The following KIF11 variants were observed in gnomAD, a reference collection of about 807,000 sequenced individuals.
KIF11 encodes kinesin family member 11.
Under a neutral mutation model 121.0 loss-of-function variants are expected in KIF11, and 9 were observed. That is an observed-to-expected ratio of 0.07 (90% confidence interval 0.04 to 0.13). The LOEUF is 0.13. KIF11 is among the 10% of genes least tolerant of loss of function. The pLI, the probability that KIF11 is intolerant of heterozygous loss-of-function variation, is 1.00. For synonymous variants in KIF11, 408 were observed against 421.0 expected, an observed-to-expected ratio of 0.97 and a Z score of 0.38; for missense variants, 846 against 1,217.5, an observed-to-expected ratio of 0.69 and a Z score of 4.54.
intron 6 of KIF11, among the ~76,000 whole-genome samples, chr10:92,612,696 T>C (rs1218920221): frequency 6.6e-6 from 1 of 152,212 alleles, no homozygotes; most frequent in African/African-American, 2.4e-5. Context: ...ATATTTCAAA[T>C]GGTTCTTATG....
Position 92,613,314 on chromosome 10 carries a change from A to T in KIF11, c.790-63A>T. 4 of 1,238,018 alleles carry T rather than the reference A, an allele frequency of 3.2e-6. No homozygotes were observed. The highest frequency in any genetic ancestry group is 1.5e-5 in the African/African-American group (1 of 65,594). The allele number at this position is 1,238,018 out of a possible 1,614,324, so 76.7% of individuals were successfully genotyped here. A position where few individuals can be genotyped will look rare whatever the true frequency, so the allele number is the denominator to read the frequency against. ...TTTAATACATTATGTATCCTGTGAG[A>T]ATGAAAGTCTTTGAATCCAAATCCA... On this transcript the variant is annotated intron_variant, in intron 7 of 21. Coordinates refer to ENST00000260731, the MANE Select transcript of KIF11 (RefSeq NM_004523.4). This position sits in a 1 kb window ranked among gnomAD's most constrained non-coding sequence, Gnocchi z 4.2.
intron 10 of KIF11, among the ~76,000 whole-genome samples, chr10:92,622,854 G>T (rs1844633206): frequency 6.6e-6 from 1 of 152,106 alleles, no homozygotes; most frequent in Non-Finnish European, 1.5e-5. Flanking sequence ...CCTGGTAGAA[G>T]AGCTAAGGAG....
chr10:92,605,561 A>G (rs1589589751), intron 1 of KIF11, among the ~76,000 whole-genome samples: 1 of 137,336 alleles, frequency 7.3e-6, no homozygotes, highest in East Asian at 2.1e-4. Context: ...ATCTTGGCTC[A>G]CCGCAACCTC....
At chr10:92,596,938 T>G (rs1050654161) in intron 1 of KIF11, 2 of 313,104 alleles carry the variant, frequency 6.4e-6, no homozygotes, top group Admixed American at 7.5e-5. Flanking sequence ...TCTGCAGTGC[T>G]GAAACCAGGC....
intron 19 of KIF11, among the ~76,000 whole-genome samples, chr10:92,649,295 T>A (rs1335780314): frequency 6.6e-6 from 1 of 152,132 alleles, no homozygotes; most frequent in African/African-American, 2.4e-5. Flanking sequence ...GAGCATGAGC[T>A]TATTACAGAG....
At chr10:92,625,883 T>C (rs1844670701) in intron 10 of KIF11, among the ~76,000 whole-genome samples, 1 of 152,036 alleles carries the variant, frequency 6.6e-6, no homozygotes, top group African/African-American at 2.4e-5. Flanking sequence ...AGGTGAAGGA[T>C]CTCTACGGTA....
intron 14 of KIF11, among the ~76,000 whole-genome samples, chr10:92,636,675 A>T (rs1844801512): frequency 6.6e-6 from 1 of 152,002 alleles, no homozygotes; most frequent in East Asian, 1.9e-4. Context: ...AGAAATTATT[A>T]TATTTATTGT....
Position 92,593,390 on chromosome 10 carries a change from A to G in KIF11, c.15A>G (p.Pro5=). 1 of 1,609,758 alleles carries G rather than the reference A, an allele frequency of 6.2e-7. No homozygotes were observed. Among genetic ancestry groups the G allele is most frequent in the Non-Finnish European group, 8.5e-7 (1 of 1,178,492 alleles). Residue 5 remains proline (P), a synonymous_variant, in exon 1 of 22, where the codon CCA becomes CCG. Coordinates refer to ENST00000260731, the MANE Select transcript of KIF11 (RefSeq NM_004523.4). ...CGGGGACCGTCATGGCGTCGCAGCC[A>G]AATTCGTCTGCGAAGAAGAAAGAGG... The part of the protein sequence containing the change: MASQ[P]NSSAKKKEEK...
At chr10:92,607,852 G>C (rs1041769695) in intron 4 of KIF11, among the ~76,000 whole-genome samples, 1 of 152,000 alleles carries the variant, frequency 6.6e-6, no homozygotes, top group Non-Finnish European at 1.5e-5. Context: ...AAATTTAAAT[G>C]AGTTTAATAA....
chr10:92,612,974 G>A, intron 6 of KIF11, 66 bp from the exon 7 acceptor site: 1 of 856,614 alleles, frequency 1.2e-6, no homozygotes, highest in Non-Finnish European at 1.9e-6. Flanking sequence ...CCTGTTTTCA[G>A]TATTTCAGAA....
At chr10:92,628,924 A>G in intron 11 of KIF11, 29 bp downstream of exon 11, 1 of 1,146,800 alleles carries the variant, frequency 8.7e-7, no homozygotes, top group South Asian at 1.4e-5. Context: ...ATTTACTGTT[A>G]TGTGAAAAGC....
At chr10:92,642,467 A>G (rs1194186309) in intron 17 of KIF11, among the ~76,000 whole-genome samples, 1 of 152,236 alleles carries the variant, frequency 6.6e-6, no homozygotes, top group East Asian at 1.9e-4. Context: ...ACTTTGATCA[A>G]GTTGATTGAT....
At chr10:92,637,704 C>T (rs1010357663) in intron 16 of KIF11, among the ~76,000 whole-genome samples, 159 bp downstream of exon 16, 28 of 152,168 alleles carry the variant, frequency 1.8e-4, no homozygotes, top group Non-Finnish European at 3.1e-4. Context: ...TATTGTAGAA[C>T]AATTGAGAAT....
At position 92,625,473 on chromosome 10, in the gene KIF11, G is replaced by A. The variant is rs557470450; in HGVS notation, c.1218-3335G>A. On this transcript the variant is annotated intron_variant, in intron 10 of 21. Coordinates refer to ENST00000260731, the MANE Select transcript of KIF11 (RefSeq NM_004523.4). Reference sequence around the variant, plus strand: ...AAGCGATTCTCCTGCCTCAGCCTCCGAAGTAGCTGGGATTACAGGTGCCTG... The same window carrying A: ...AAGCGATTCTCCTGCCTCAGCCTCCAAAGTAGCTGGGATTACAGGTGCCTG... 3.6e-4 allele frequency among the ~76,000 whole-genome samples: 54 copies of A among 150,876 alleles called. 1 individual carries two copies. The highest frequency in any genetic ancestry group is 1.1e-3 in the African/African-American group (44 of 41,044).
chr10:92,647,736 A>G (rs1844935214), intron 18 of KIF11, among the ~76,000 whole-genome samples: 1 of 152,182 alleles, frequency 6.6e-6, no homozygotes, highest in Admixed American at 6.5e-5. Context: ...TCTGTACTCC[A>G]CTTGTTGGTA....
intron 10 of KIF11, 36 bp from the exon 11 acceptor site, chr10:92,628,769 AAAT>A: frequency 8.7e-7 from 1 of 1,143,876 alleles, no homozygotes; most frequent in Non-Finnish European, 1.3e-6. Context: ...AGTTAGAAAA[AAAT>A]ATTAACTGTT....
intron 1 of KIF11, among the ~76,000 whole-genome samples, chr10:92,594,913 C>T (rs1264458229): frequency 6.6e-6 from 1 of 151,908 alleles, no homozygotes; most frequent in African/African-American, 2.4e-5. Flanking sequence ...AATAGCCTTC[C>T]TGGTGCGTCT....
intron 17 of KIF11, among the ~76,000 whole-genome samples, chr10:92,642,292 G>A (rs1489723642): frequency 6.6e-6 from 1 of 152,126 alleles, no homozygotes; most frequent in African/African-American, 2.4e-5. Context: ...ACCCTGTTTA[G>A]GCTTAGCATA....
At position 92,633,567 on chromosome 10, in the gene KIF11, C is replaced by T. The variant is rs149903660; in HGVS notation, c.1703-56C>T. 91 of 1,231,804 alleles carry T rather than the reference C, an allele frequency of 7.4e-5. No homozygotes were observed. In the Middle Eastern group the frequency reaches 9.2e-4, roughly 12 times the overall value. 76.3% of individuals were successfully genotyped at this position (1,231,804 alleles called of 1,614,324 possible). Reference sequence around the variant, plus strand: ...GTCAACTTCTTTGAAATGGTTTGAACGGTATTTAATATATTTATGTCAAAG... The same window carrying T: ...GTCAACTTCTTTGAAATGGTTTGAATGGTATTTAATATATTTATGTCAAAG... On this transcript the variant is annotated intron_variant, in intron 13 of 21. Coordinates refer to ENST00000260731, the MANE Select transcript of KIF11 (RefSeq NM_004523.4).
Sources: allele counts gnomAD v4.1 joint callset (sites outside exome capture counted in the v4.1 genomes callset), GRCh38; gene constraint gnomAD v4.1.1; non-coding constraint Gnocchi (gnomAD v3.1); transcripts MANE v1.5; gene names NCBI Gene and HGNC (gene_info 2026-07-23, HGNC 2026-07-21).